The following SPAG5 variants were observed in gnomAD, a reference collection of about 807,000 sequenced individuals.
The protein encoded by SPAG5 is sperm associated antigen 5, also known as sperm-associated antigen 5.
Under a neutral mutation model 145.4 loss-of-function variants are expected in SPAG5, and 99 were observed. The observed-to-expected ratio is 0.68, with a 90% CI of 0.58 to 0.80. The LOEUF (loss-of-function observed/expected upper bound fraction) is 0.80, where lower values mean the gene tolerates loss of function less well. SPAG5 is among the 30% of genes least tolerant of loss of function. SPAG5 has a pLI of 0.00. For synonymous variants in SPAG5, 477 were observed against 525.4 expected, an observed-to-expected ratio of 0.91 and a Z score of 1.26; for missense variants, 1,192 against 1,416.0, an observed-to-expected ratio of 0.84 and a Z score of 2.54.
At chr17:28,584,037 T>G (rs2070566668) in intron 13 of SPAG5, 51 bp from the exon 14 acceptor site, 1 of 1,611,790 alleles carries the variant, frequency 6.2e-7, no homozygotes, top group Non-Finnish European at 8.5e-7. Flanking sequence ...TTTAGTGCCC[T>G]GGGTACAGAG....
chr17:28,584,219 C>T lies in SPAG5; in HGVS notation c.2343G>A (p.Met781Ile). 2 of 1,613,968 alleles carry T rather than the reference C, an allele frequency of 1.2e-6. No individual in the cohort carries two copies. The highest frequency in any genetic ancestry group is 2.2e-5 in the East Asian group (1 of 44,890). ...WQKEEMALKH[M>I]QAELQQQQAV... ...CTTGTTGCTGCTGCAGTTCTGCCTGCATGTGTTTTAGTGCCATCTCTTCCT... is the reference window on the plus strand; with the variant it reads ...CTTGTTGCTGCTGCAGTTCTGCCTGTATGTGTTTTAGTGCCATCTCTTCCT... The change falls in exon 13 of 24, where the codon ATG becomes ATA. Residue 781 changes from methionine to isoleucine, a missense_variant. By Grantham distance (10) the Met-to-Ile change is conservative. Transcript: ENST00000321765.
Position 28,585,563 on chromosome 17 carries a change from C to G in SPAG5, c.1831G>C (p.Gly611Arg), listed in dbSNP as rs1177192110. 1.2e-6 allele frequency: 2 copies of G among 1,613,956 alleles called. No homozygotes were observed. Among genetic ancestry groups the G allele is most frequent in the African/African-American group, 2.7e-5 (2 of 74,924 alleles). Residue 611 changes from glycine to arginine, a missense_variant, in exon 8 of 24, where the codon GGC becomes CGC. Around this residue, in one of 5 missense-constraint regions of SPAG5, gnomAD observed 709 missense variants for 840.7 expected, o/e 0.84. Coordinates refer to ENST00000321765, the MANE Select transcript of SPAG5 (RefSeq NM_006461.4). Reference sequence around the variant, plus strand: ...TGGGTCTGGGCATCCTTCAGAAGGCCTCTGAATTCCCGCATGGATGCTAGG... The same window carrying G: ...TGGGTCTGGGCATCCTTCAGAAGGCGTCTGAATTCCCGCATGGATGCTAGG... ...QDLASMREFR[G>R]LLKDAQTQLV...
chr17:28,588,221 G>A (rs1001137020), intron 4 of SPAG5, among the ~76,000 whole-genome samples: 16 of 152,218 alleles, frequency 1.1e-4, no homozygotes, highest in African/African-American at 3.1e-4. Context: ...TGGACAGTCA[G>A]GCAGGTGATG....
chr17:28,582,018 A>C (rs571122474), intron 15 of SPAG5, among the ~76,000 whole-genome samples: 1 of 152,290 alleles, frequency 6.6e-6, no homozygotes, highest in African/African-American at 2.4e-5. Context: ...TCACTCTTAC[A>C]TCAAATTGGT....
intron 2 of SPAG5, among the ~76,000 whole-genome samples, chr17:28,598,142 T>G (rs1372265994): frequency 6.6e-6 from 1 of 152,132 alleles, no homozygotes; most frequent in African/African-American, 2.4e-5. Context: ...CCAGGAGAGT[T>G]CTAACTACCT....
chr17:28,589,119 GAC>G (rs969110778), intron 4 of SPAG5, among the ~76,000 whole-genome samples: 1 of 147,804 alleles, frequency 6.8e-6, no homozygotes, highest in African/African-American at 2.5e-5. Flanking sequence ...TTTTTTTTGA[GAC>G]AGAGTCTTAC....
At chr17:28,590,647 G>A (rs1005075819) in intron 4 of SPAG5, among the ~76,000 whole-genome samples, 5 of 151,842 alleles carry the variant, frequency 3.3e-5, no homozygotes, top group Admixed American at 1.3e-4. Context: ...GAGGCAGGTG[G>A]ATCATGAGGG....
rs2070521479 is a variant in SPAG5 at position 28,578,276 on chromosome 17, ACT to A, written c.3369_3370del (p.Arg1123SerfsTer9). 1 of 1,613,834 alleles carries A rather than the reference ACT, an allele frequency of 6.2e-7. No individual in the cohort carries two copies. Among genetic ancestry groups the A allele is most frequent in the Non-Finnish European group, 8.5e-7 (1 of 1,179,970 alleles). ...CTCATTTTTCATCTCCAGGAACATCACTCTCAGTTTGTCCACCTAGAAATATG... is the reference window on the plus strand; with the variant it reads ...CTCATTTTTCATCTCCAGGAACATCACTCAGTTTGTCCACCTAGAAATATG... On this transcript the variant is annotated frameshift_variant, in exon 22 of 24. Transcript: ENST00000321765. LOFTEE classifies it high-confidence loss of function.
chr17:28,577,836 G>A, intron 23 of SPAG5, 66 bp from the exon 24 acceptor site: 1 of 1,391,360 alleles, frequency 7.2e-7, no homozygotes, highest in Non-Finnish European at 1.0e-6. Context: ...CCCAGCCCCA[G>A]GAGGCAGCCG....
chr17:28,593,809 C>CA (rs945416208), intron 2 of SPAG5, among the ~76,000 whole-genome samples: 35 of 151,256 alleles, frequency 2.3e-4, no homozygotes, highest in African/African-American at 7.5e-4. Context: ...TGAACAACAA[C>CA]AAAAAAAACG....
chr17:28,581,658 C>T (rs1472695690), intron 15 of SPAG5, among the ~76,000 whole-genome samples: 1 of 152,014 alleles, frequency 6.6e-6, no homozygotes. Flanking sequence ...TAGGTCCTCT[C>T]TCCAGTTCTC....
chr17:28,591,293 T>C (rs2070619445), intron 4 of SPAG5, among the ~76,000 whole-genome samples: 2 of 152,324 alleles, frequency 1.3e-5, no homozygotes, highest in South Asian at 2.1e-4. Flanking sequence ...GATCCTCAGC[T>C]TTTTTGTTTT....
chr17:28,585,726 C>A, intron 7 of SPAG5, 73 bp from the exon 8 acceptor site: 1 of 1,609,674 alleles, frequency 6.2e-7, no homozygotes, highest in Non-Finnish European at 8.5e-7. Context: ...AACCATGACA[C>A]CTCAATAGAT....
Position 28,584,771 on chromosome 17 carries a change from C to T in SPAG5, c.2068-26G>A, listed in dbSNP as rs200480832. On this transcript the variant is annotated intron_variant, in intron 10 of 23. Transcript: ENST00000321765. Reference sequence around the variant, plus strand: ...CTAGGAAGAACAGATGGTTTTCCTCCTATAGTTCCTCCTGAATCAATAATC... The same window carrying T: ...CTAGGAAGAACAGATGGTTTTCCTCTTATAGTTCCTCCTGAATCAATAATC... 93 of 1,513,546 alleles carry T rather than the reference C, an allele frequency of 6.1e-5. 1 individual carries two copies. In the East Asian group the frequency reaches 2.0e-3, roughly 33 times the overall value. 93.8% of individuals were successfully genotyped at this position (1,513,546 alleles called of 1,614,324 possible).
Position 28,583,948 on chromosome 17 carries a change from C to G in SPAG5, c.2451G>C (p.Leu817=). The part of the protein sequence containing the change: ...DQENQVAHLE[L]GQVECQLKTT... ...TTTTCAATTGACACTCAACCTGACC[C>G]AGCTCCAGGTGAGCAACCTGATTCT... The change falls in exon 14 of 24, where the codon CTG becomes CTC. Residue 817 remains leucine (L), a synonymous_variant. Coordinates refer to ENST00000321765, the MANE Select transcript of SPAG5 (RefSeq NM_006461.4). The G allele has an allele frequency of 6.2e-7, 1 of 1,614,148 alleles. No homozygotes were observed. The highest frequency in any genetic ancestry group is 1.1e-5 in the South Asian group (1 of 91,082).
At position 28,592,990 on chromosome 17, in the gene SPAG5, T is replaced by G. The variant is rs1567626801; in HGVS notation, c.254A>C (p.His85Pro). The G allele has an allele frequency of 6.2e-7, 1 of 1,614,098 alleles. No individual in the cohort carries two copies. The highest frequency in any genetic ancestry group is 1.3e-5 in the African/African-American group (1 of 74,942). Residue 85 changes from histidine (H) to proline (P), a missense_variant, in exon 3 of 24, where the codon CAT becomes CCT. This residue lies in a region of SPAG5 where 329 missense variants were observed against 354.0 expected (regional missense o/e 0.93). Transcript: ENST00000321765. ...RTDLSSEHFS[H>P]SSKWLETCQH... is the part of the protein sequence containing the mutation. Reference sequence around the variant, plus strand: ...ACAAGTTTCTAGCCACTTTGAGGAATGACTGAAATGTTCTGAAGATAAGTC... The same window carrying G: ...ACAAGTTTCTAGCCACTTTGAGGAAGGACTGAAATGTTCTGAAGATAAGTC...
intron 13 of SPAG5, 74 bp from the exon 14 acceptor site, chr17:28,584,060 TCA>T (rs971735992): frequency 7.5e-6 from 12 of 1,607,488 alleles, no homozygotes; most frequent in East Asian, 2.2e-5. Context: ...TTTTTCTAGT[TCA>T]CAGTCTCAAA....
chr17:28,598,348 C>T (rs1484237682), intron 2 of SPAG5, 162 bp downstream of exon 2: 2 of 817,134 alleles, frequency 2.4e-6, no homozygotes, highest in Admixed American at 3.2e-5. Flanking sequence ...CCTTTAACCA[C>T]CCTAGGGCAC....
intron 1 of SPAG5, 58 bp downstream of exon 1, chr17:28,598,838 C>T: frequency 6.3e-7 from 1 of 1,590,898 alleles, no homozygotes; most frequent in South Asian, 1.1e-5. Flanking sequence ...TAGACACGGC[C>T]GGTGCCCCCG....
Sources: allele counts gnomAD v4.1 joint callset (sites outside exome capture counted in the v4.1 genomes callset), GRCh38; gene constraint gnomAD v4.1.1; regional missense constraint gnomAD v4.1.1; transcripts MANE v1.5; gene names NCBI Gene and HGNC (gene_info 2026-07-23, HGNC 2026-07-21).